DPYD: variants seen among roughly 807,000 people sequenced by gnomAD.
DPYD encodes the protein dihydropyrimidine dehydrogenase.
In DPYD, 109 loss-of-function variants were observed where a neutral mutation model predicts 116.2. The ratio of observed to expected loss-of-function variants is 0.94; its 90% CI spans 0.80 to 1.10. The LOEUF is 1.10. DPYD is among the 50% of genes least tolerant of loss of function. The probability of loss-of-function intolerance (pLI) is 0.00; values close to 1 mark genes in which losing one functional copy is unlikely to be tolerated. For missense variants in DPYD, 1,302 were observed against 1,254.5 expected (o/e 1.04, Z -0.57); for synonymous variants, 440 against 432.0 (o/e 1.02, Z -0.23).
intron 8 of DPYD, among the ~76,000 whole-genome samples, chr1:97,607,736 T>C (rs529435137): frequency 1.3e-5 from 2 of 151,932 alleles, no homozygotes; most frequent in East Asian, 3.9e-4. Flanking sequence ...AAGAGAGGTA[T>C]CAGCTCAAAC....
chr1:97,526,888 T>C (rs1424371147), intron 12 of DPYD, among the ~76,000 whole-genome samples: 1 of 152,186 alleles, frequency 6.6e-6, no homozygotes, highest in African/African-American at 2.4e-5. Context: ...GCAAGTAATA[T>C]TTATACCAGA....
chr1:97,606,750 T>C (rs1328113914), intron 8 of DPYD, among the ~76,000 whole-genome samples: 1 of 151,976 alleles, frequency 6.6e-6, no homozygotes, highest in African/African-American at 2.4e-5. Flanking sequence ...TAGTAGTATA[T>C]AGAAATAATT....
intron 14 of DPYD, among the ~76,000 whole-genome samples, chr1:97,385,218 T>C (rs1214305498): frequency 7.9e-6 from 1 of 126,088 alleles, no homozygotes; most frequent in Non-Finnish European, 1.6e-5. Context: ...GGGAGAACTA[T>C]CAAAGAGGGC....
At chr1:97,172,221 G>A (rs1358861834) in intron 20 of DPYD, among the ~76,000 whole-genome samples, 2 of 152,202 alleles carry the variant, frequency 1.3e-5, no homozygotes, top group African/African-American at 4.8e-5. Flanking sequence ...AGGAGATTTC[G>A]ATTTTATAAA....
chr1:97,308,187 C>G (rs1211403422), intron 16 of DPYD, among the ~76,000 whole-genome samples: 1 of 151,768 alleles, frequency 6.6e-6, no homozygotes, highest in Non-Finnish European at 1.5e-5. Flanking sequence ...ATGACTGCCT[C>G]TTACCCATTG....
chr1:97,489,299 G>A (rs1376324088), intron 13 of DPYD, among the ~76,000 whole-genome samples: 1 of 152,088 alleles, frequency 6.6e-6, no homozygotes, highest in African/African-American at 2.4e-5. Context: ...TGAAGTTAAG[G>A]CAAAAAGCTC....
At position 97,503,214 on chromosome 1, in the gene DPYD, T is replaced by C. The variant is rs543196867; in HGVS notation, c.1740+12512A>G. ...ATCTCTGTTGTCTATACAATATTTCTCTTTATATTGATCAACAGGAGATGT... is the reference window on the plus strand; with the variant it reads ...ATCTCTGTTGTCTATACAATATTTCCCTTTATATTGATCAACAGGAGATGT... On this transcript the variant is annotated intron_variant, in intron 13 of 22. Coordinates refer to ENST00000370192, the MANE Select transcript of DPYD (RefSeq NM_000110.4). Among the ~76,000 whole-genome samples the C allele has an allele frequency of 2.7e-4, 41 of 152,188 alleles. 2 individuals carry two copies. The highest frequency in any genetic ancestry group is 9.4e-4 in the African/African-American group (39 of 41,552).
Position 97,382,458 on chromosome 1 carries a change from C to T in DPYD, c.1909G>A (p.Val637Met). ...ELKADFPDNI[V>M]IASIMCSYNK... is the part of the protein sequence containing the mutation. ...TAACTGCACATAATGCTAGCAATCA[C>T]AATCTTTAAAAAGAAAAACAAAAGA... is the stretch of plus-strand genomic sequence containing the variant. Residue 637 changes from valine (V) to methionine (M), a missense_variant, in exon 15 of 23, where the codon GTG (valine) becomes ATG (methionine). Transcript: ENST00000370192. The T allele has an allele frequency of 1.0e-5, 16 of 1,580,582 alleles. No homozygotes were observed. Among genetic ancestry groups the T allele is most frequent in the Non-Finnish European group, 1.4e-5 (16 of 1,163,762 alleles).
chr1:97,376,429 A>G (rs1239766880), intron 15 of DPYD, among the ~76,000 whole-genome samples: 1 of 152,198 alleles, frequency 6.6e-6, no homozygotes, highest in Non-Finnish European at 1.5e-5. Flanking sequence ...ATACACATAT[A>G]CAAATGCCCA....
intron 7 of DPYD, among the ~76,000 whole-genome samples, chr1:97,683,632 T>A (rs2100928521): frequency 6.6e-6 from 1 of 151,946 alleles, no homozygotes; most frequent in South Asian, 2.1e-4. Flanking sequence ...AAATTCTGAG[T>A]TGCATTACAA....
intron 13 of DPYD, among the ~76,000 whole-genome samples, chr1:97,503,151 AATAAG>A (rs147267585): frequency 0.014 from 2,079 of 152,130 alleles, 13 homozygotes; most frequent in Non-Finnish European, 0.021. Context: ...TATAATACTT[AATAAG>A]ATAATATTTG....
rs774799003 is a variant in DPYD at position 97,549,688 on chromosome 1, G to A, written c.1396C>T (p.Pro466Ser). The A allele has an allele frequency of 3.7e-6, 6 of 1,613,642 alleles. No individual in the cohort carries two copies. Among genetic ancestry groups the A allele is most frequent in the Non-Finnish European group, 5.1e-6 (6 of 1,179,862 alleles). ...FNRWGLPEVD[P>S]ETMQTSEAWV... ...GCTTCACTAGTTTGCATAGTTTCTG[G>A]ATCTACTTCTGGGAGACCCCATCTG... The change falls in exon 12 of 23, where the codon CCA becomes TCA. Residue 466 changes from proline to serine, a missense_variant. Coordinates refer to ENST00000370192, the MANE Select transcript of DPYD (RefSeq NM_000110.4).
At chr1:97,647,644 C>A (rs965898973) in intron 8 of DPYD, among the ~76,000 whole-genome samples, 1 of 151,776 alleles carries the variant, frequency 6.6e-6, no homozygotes, top group East Asian at 1.9e-4. Flanking sequence ...TCTGAATGAG[C>A]TAAAAAGATT....
intron 18 of DPYD, among the ~76,000 whole-genome samples, chr1:97,255,134 A>G (rs536664614): frequency 6.6e-6 from 1 of 152,252 alleles, no homozygotes; most frequent in East Asian, 1.9e-4. Flanking sequence ...CAAAGATAAT[A>G]TATGTTTTAT....
At chr1:97,784,436 A>G (rs1666911873) in intron 3 of DPYD, among the ~76,000 whole-genome samples, 1 of 152,218 alleles carries the variant, frequency 6.6e-6, no homozygotes, top group African/African-American at 2.4e-5. Flanking sequence ...AAAGAACAAG[A>G]GAACACACTT....
chr1:97,879,551 T>C (rs982017877), intron 2 of DPYD, among the ~76,000 whole-genome samples: 2 of 152,054 alleles, frequency 1.3e-5, no homozygotes, highest in African/African-American at 4.8e-5. Context: ...TAAAATATAC[T>C]GGAAATAACT....
At chr1:97,546,521 A>C in intron 12 of DPYD, 1 of 1,598,794 alleles carries the variant, frequency 6.3e-7, no homozygotes, top group Non-Finnish European at 8.6e-7. Flanking sequence ...GCAGAGTGGC[A>C]AGAATTACTA....
At chr1:97,368,147 G>T (rs557698969) in intron 16 of DPYD, among the ~76,000 whole-genome samples, 1 of 152,054 alleles carries the variant, frequency 6.6e-6, no homozygotes, top group Non-Finnish European at 1.5e-5. Context: ...AGGGCAATGC[G>T]TTGACTTTTC....
At chr1:97,845,224 G>A (rs1670233476) in intron 2 of DPYD, among the ~76,000 whole-genome samples, 1 of 152,186 alleles carries the variant, frequency 6.6e-6, no homozygotes, top group East Asian at 1.9e-4. Context: ...TCAGTTCCAG[G>A]TGGAGTCCCT....
Sources: allele counts gnomAD v4.1 joint callset (sites outside exome capture counted in the v4.1 genomes callset), GRCh38; gene constraint gnomAD v4.1.1; transcripts MANE v1.5; gene names NCBI Gene and HGNC (gene_info 2026-07-23, HGNC 2026-07-21).